The following KIAA0232 variants were observed in gnomAD, a reference collection of about 807,000 sequenced individuals.
KIAA0232 encodes KIAA0232, also known as uncharacterized protein KIAA0232.
A neutral mutation model predicts 122.0 loss-of-function variants in KIAA0232; 27 were observed. That is an observed-to-expected ratio of 0.22 (90% confidence interval 0.16 to 0.31). The LOEUF (loss-of-function observed/expected upper bound fraction) is 0.31, where lower values mean the gene tolerates loss of function less well. Among genes scored for constraint, KIAA0232 ranks in the 10% least tolerant of loss-of-function variants. KIAA0232 has a pLI of 1.00. For synonymous variants in KIAA0232, 613 were observed against 587.6 expected (o/e 1.04, Z -0.63); for missense variants, 1,551 against 1,634.2 (o/e 0.95, Z 0.88).
intron 1 of KIAA0232, among the ~76,000 whole-genome samples, chr4:6,802,128 G>A (rs1321752873): frequency 6.6e-6 from 1 of 152,176 alleles, no homozygotes; most frequent in Non-Finnish European, 1.5e-5. Context: ...GGGCTTGCTC[G>A]TAGGGTCCAG....
At chr4:6,832,189 C>T (rs979578196) in intron 3 of KIAA0232, among the ~76,000 whole-genome samples, 7 of 152,298 alleles carry the variant, frequency 4.6e-5, no homozygotes, top group African/African-American at 1.4e-4. Context: ...TATCCTCAGT[C>T]TTTCCCTGAC....
At chr4:6,837,420 A>G (rs956679543) in intron 3 of KIAA0232, among the ~76,000 whole-genome samples, 4 of 139,708 alleles carry the variant, frequency 2.9e-5, no homozygotes, top group African/African-American at 1.1e-4. Context: ...GGCGCTCCTC[A>G]CTTCCCAGGC....
intron 3 of KIAA0232, among the ~76,000 whole-genome samples, chr4:6,826,531 G>T (rs1718696013): frequency 6.7e-6 from 1 of 148,530 alleles, no homozygotes; most frequent in East Asian, 2.0e-4. Flanking sequence ...TGGAGACAGG[G>T]TCTTGCTCTT....
Position 6,805,644 on chromosome 4 carries a change from A to G in KIAA0232, c.-270+1038A>G, listed in dbSNP as rs114344324. Reference sequence around the variant, plus strand: ...TGAAAGCTGTAGAATTTATATGCCCAGACATTTTGAGGACCAACAGTATCA... The same window carrying G: ...TGAAAGCTGTAGAATTTATATGCCCGGACATTTTGAGGACCAACAGTATCA... On this transcript the variant is annotated intron_variant, in intron 2 of 9. Coordinates refer to ENST00000307659, the MANE Select transcript of KIAA0232 (RefSeq NM_014743.3). 4.3e-3 allele frequency among the ~76,000 whole-genome samples: 657 copies of G among 152,306 alleles called. 3 individuals carry two copies. Among genetic ancestry groups the G allele is most frequent in the Non-Finnish European group, 7.1e-3 (482 of 68,014 alleles).
chr4:6,821,606 A>G (rs1017839245), intron 2 of KIAA0232, among the ~76,000 whole-genome samples: 1 of 152,030 alleles, frequency 6.6e-6, no homozygotes, highest in African/African-American at 2.4e-5. Context: ...ATACACACAT[A>G]TATACACATA....
chr4:6,823,247 A>G (rs1718507118), intron 2 of KIAA0232, among the ~76,000 whole-genome samples: 1 of 152,056 alleles, frequency 6.6e-6, no homozygotes, highest in Non-Finnish European at 1.5e-5. Flanking sequence ...ATACGTGTGC[A>G]TATGTCTTTA....
In KIAA0232 at chr4:6,813,424, G is replaced by A. The variant is rs369916385; in HGVS notation, c.-270+8818G>A. 9.6e-4 allele frequency among the ~76,000 whole-genome samples: 145 copies of A among 151,410 alleles called. 1 individual carries two copies. In the East Asian group the frequency reaches 0.018, roughly 19 times the overall value. On this transcript the variant is annotated intron_variant, in intron 2 of 9. Coordinates refer to ENST00000307659, the MANE Select transcript of KIAA0232 (RefSeq NM_014743.3). ...GTTGCCCAGGCTGGAATGCAGTGGC[G>A]CAGTCTCGGCTCACTGCAAGCTCTG...
chr4:6,864,798 G>A (rs987300716), intron 7 of KIAA0232, among the ~76,000 whole-genome samples: 6 of 148,640 alleles, frequency 4.0e-5, no homozygotes, highest in Non-Finnish European at 6.0e-5. Flanking sequence ...TAACATGAAA[G>A]TGTTCTAACA....
At chr4:6,838,450 A>G (rs1719466558) in intron 3 of KIAA0232, among the ~76,000 whole-genome samples, 1 of 152,124 alleles carries the variant, frequency 6.6e-6, no homozygotes. Context: ...CTGCCTCCCA[A>G]ATTGCTAGGA....
chr4:6,805,146 A>G (rs1257263306), intron 2 of KIAA0232, among the ~76,000 whole-genome samples: 2 of 152,218 alleles, frequency 1.3e-5, no homozygotes, highest in Non-Finnish European at 1.5e-5. Context: ...CCTTTAAATG[A>G]TGACACTGTT....
Position 6,860,997 on chromosome 4 carries a change from CTCT to C in KIAA0232, c.621_623del (p.Ser210del), listed in dbSNP as rs758071093. 4.3e-6 allele frequency: 7 copies of C among 1,614,062 alleles called. No individual in the cohort carries two copies. The highest frequency in any genetic ancestry group is 4.0e-5 in the African/African-American group (3 of 74,918). ...AGTCTAAAGTCTGTTCTTACTCTAG[CTCT>C]TCTTCATCATCCACAGCCCCACCAG... On this transcript the variant is annotated inframe_deletion, in exon 7 of 10. Transcript: ENST00000307659.
At chr4:6,870,714 A>C (rs1009709924) in intron 7 of KIAA0232, among the ~76,000 whole-genome samples, 1 of 152,010 alleles carries the variant, frequency 6.6e-6, no homozygotes, top group African/African-American at 2.4e-5. Context: ...AGGCACGAGA[A>C]TCATTTGAAC....
chr4:6,881,008 G>A lies in KIAA0232; in HGVS notation c.*42G>A, dbSNP rs566919353. The A allele has an allele frequency of 1.5e-6, 2 of 1,353,136 alleles. No homozygotes were observed. Among genetic ancestry groups the A allele is most frequent in the Non-Finnish European group, 1.9e-6 (2 of 1,034,248 alleles). The allele number at this position is 1,353,136 out of a possible 1,614,324, so 83.8% of individuals were successfully genotyped here. A position where few individuals can be genotyped will look rare whatever the true frequency, so the allele number is the denominator to read the frequency against. Reference sequence around the variant, plus strand: ...AAATTATTGTTTAAAAATGATATGTGATGGAAAATTACTCTTCAGTGAGAC... The same window carrying A: ...AAATTATTGTTTAAAAATGATATGTAATGGAAAATTACTCTTCAGTGAGAC... On this transcript the variant is annotated 3_prime_UTR_variant, in exon 10 of 10. Coordinates refer to ENST00000307659, the MANE Select transcript of KIAA0232 (RefSeq NM_014743.3).
Position 6,881,084 on chromosome 4 carries a change from GATTGGTAATA to G in KIAA0232, c.*122_*131del. On this transcript the variant is annotated 3_prime_UTR_variant, in exon 10 of 10. Coordinates refer to ENST00000307659, the MANE Select transcript of KIAA0232 (RefSeq NM_014743.3). The stretch of plus-strand genomic sequence containing the variant: ...GTTTCCTCTTCAATTAACTGATTCA[GATTGGTAATA>G]ATTATCTTTCTCTTCTTGCTTATTT... 1.5e-6 allele frequency: 1 copy of G among 677,118 alleles called. No individual in the cohort carries two copies. Among genetic ancestry groups the G allele is most frequent in the South Asian group, 4.0e-5 (1 of 24,986 alleles). The allele number at this position is 677,118 out of a possible 1,614,324, so 41.9% of individuals were successfully genotyped here.
Position 6,824,328 on chromosome 4 carries a change from A to T in KIAA0232, c.-126A>T. The T allele has an allele frequency of 2.5e-6, 2 of 810,362 alleles. No individual in the cohort carries two copies. The highest frequency in any genetic ancestry group is 4.2e-6 in the Non-Finnish European group (2 of 477,870). The allele number at this position is 810,362 out of a possible 1,614,324, so 50.2% of individuals were successfully genotyped here. ...TTTAGGTGGCTGACTACCAGCAAAA[A>T]TAAATGCTTATCCTACATGTCAAGC... is the stretch of plus-strand genomic sequence containing the variant. On this transcript the variant is annotated 5_prime_UTR_variant, in exon 3 of 10. Coordinates refer to ENST00000307659, the MANE Select transcript of KIAA0232 (RefSeq NM_014743.3).
chr4:6,817,535 T>C (rs1001795045), intron 2 of KIAA0232, among the ~76,000 whole-genome samples: 1 of 152,170 alleles, frequency 6.6e-6, no homozygotes, highest in African/African-American at 2.4e-5. Flanking sequence ...TTTAGAAATA[T>C]GTTTTTAGTT....
intron 3 of KIAA0232, among the ~76,000 whole-genome samples, chr4:6,838,474 C>T (rs982280177): frequency 2.0e-5 from 3 of 152,190 alleles, no homozygotes; most frequent in South Asian, 2.1e-4. Flanking sequence ...TAGGTATGAG[C>T]CACCATATGC....
At chr4:6,848,132 C>G (rs1720070491) in intron 4 of KIAA0232, among the ~76,000 whole-genome samples, 1 of 152,176 alleles carries the variant, frequency 6.6e-6, no homozygotes, top group Non-Finnish European at 1.5e-5. Flanking sequence ...GACTTACACC[C>G]TAAGTAGAGT....
chr4:6,867,496 AC>A (rs1721247735), intron 7 of KIAA0232, among the ~76,000 whole-genome samples: 1 of 152,214 alleles, frequency 6.6e-6, no homozygotes, highest in Non-Finnish European at 1.5e-5. Context: ...ATCTGGACAT[AC>A]ATTTGTGGTG....
Sources: gnomAD v4.1 joint callset for allele counts (sites outside exome capture counted in the v4.1 genomes callset) on GRCh38, gnomAD v4.1.1 for gene constraint, MANE v1.5 for transcripts, NCBI Gene and HGNC (gene_info 2026-07-23, HGNC 2026-07-21) for gene names.